Variants in GPC5 observed in about 807,000 individuals in gnomAD.
The protein encoded by GPC5 is glypican-5.
Under a neutral mutation model 53.9 loss-of-function variants are expected in GPC5, and 47 were observed. The ratio of observed to expected loss-of-function variants is 0.87; its 90% CI spans 0.69 to 1.11. GPC5 has a LOEUF of 1.11. GPC5 is among the 50% of genes most tolerant of loss of function. The pLI is 0.00. For synonymous variants in GPC5, 286 were observed against 263.3 expected, an observed-to-expected ratio of 1.09 and a Z score of -0.84; for missense variants, 748 against 713.1, an observed-to-expected ratio of 1.05 and a Z score of -0.56.
intron 7 of GPC5, among the ~76,000 whole-genome samples, chr13:92,627,681 G>A (rs1403663338): frequency 2.0e-5 from 3 of 152,130 alleles, no homozygotes; most frequent in Non-Finnish European, 4.4e-5. Context: ...TTTCTTTTTT[G>A]TTTACAGCCT....
At chr13:92,299,871 T>C (rs1036983153) in intron 7 of GPC5, among the ~76,000 whole-genome samples, 2 of 152,216 alleles carry the variant, frequency 1.3e-5, no homozygotes, top group African/African-American at 4.8e-5. Context: ...TGTATGATTA[T>C]ATTGTATCAT....
chr13:91,593,927 GAA>G (rs2032900246), intron 2 of GPC5, among the ~76,000 whole-genome samples: 1 of 145,316 alleles, frequency 6.9e-6, no homozygotes, highest in Admixed American at 6.9e-5. Context: ...AAAAAAAAAA[GAA>G]TGTTATTTGA....
intron 7 of GPC5, among the ~76,000 whole-genome samples, chr13:92,325,103 G>GACAC (rs140189672): frequency 0.044 from 6,371 of 146,352 alleles, 199 homozygotes; most frequent in Admixed American, 0.088. Context: ...AATAACTTCT[G>GACAC]ACACACACAC....
intron 2 of GPC5, 125 bp from the exon 3 acceptor site, chr13:91,693,062 T>C: frequency 1.4e-6 from 1 of 713,200 alleles, no homozygotes; most frequent in Non-Finnish European, 2.3e-6. Context: ...TTTGGTTGAG[T>C]AGGCTGAGAG....
At chr13:91,957,970 G>T (rs1050829941) in intron 6 of GPC5, among the ~76,000 whole-genome samples, 2 of 151,842 alleles carry the variant, frequency 1.3e-5, no homozygotes, top group African/African-American at 4.8e-5. Context: ...ATGAACAAAA[G>T]ATAAACAAAA....
intron 5 of GPC5, among the ~76,000 whole-genome samples, chr13:91,762,780 C>T (rs926094492): frequency 6.6e-6 from 1 of 151,930 alleles, no homozygotes; most frequent in Non-Finnish European, 1.5e-5. Flanking sequence ...CTTGAAATGC[C>T]CACAATTAAC....
chr13:91,893,344 A>T (rs996865619), intron 5 of GPC5, among the ~76,000 whole-genome samples: 1 of 152,002 alleles, frequency 6.6e-6, no homozygotes, highest in African/African-American at 2.4e-5. Context: ...CAACTTATTT[A>T]TTAAAGATTT....
At chr13:92,480,191 G>A (rs1879295312) in intron 7 of GPC5, among the ~76,000 whole-genome samples, 1 of 152,118 alleles carries the variant, frequency 6.6e-6, no homozygotes. Context: ...AAACAGTAGG[G>A]GGATTTTAGC....
At chr13:92,417,620 C>T (rs1327124067) in intron 7 of GPC5, among the ~76,000 whole-genome samples, 8 of 152,102 alleles carry the variant, frequency 5.3e-5, no homozygotes. Context: ...TGGTTGTAGT[C>T]CCAGCACTTT....
At chr13:91,671,780 C>CCAAAAAAAAAAAAAAAA (rs2035249718) in intron 2 of GPC5, among the ~76,000 whole-genome samples, 2 of 33,124 alleles carry the variant, frequency 6.0e-5, no homozygotes, top group Non-Finnish European at 1.2e-4. Flanking sequence ...CAATCTGAAG[C>CCAAAAAAAAAAAAAAAA]AAAAAAAAAA....
intron 7 of GPC5, among the ~76,000 whole-genome samples, chr13:92,552,415 GA>G (rs900770282): frequency 8.6e-5 from 13 of 151,860 alleles, no homozygotes; most frequent in African/African-American, 2.9e-4. Context: ...TAAAATTTAA[GA>G]AGAGTCAATT....
chr13:92,765,788 T>C (rs1875382003), intron 7 of GPC5, among the ~76,000 whole-genome samples: 1 of 152,096 alleles, frequency 6.6e-6, no homozygotes, highest in African/African-American at 2.4e-5. Context: ...TCAGAAAACC[T>C]TTTAAGGGGC....
At chr13:92,015,086 C>T (rs1172581244) in intron 6 of GPC5, among the ~76,000 whole-genome samples, 2 of 152,128 alleles carry the variant, frequency 1.3e-5, no homozygotes, top group African/African-American at 4.8e-5. Flanking sequence ...TTGGTAAAAA[C>T]TGTGCCCCAC....
At chr13:92,406,994 G>T (rs1467863379) in intron 7 of GPC5, among the ~76,000 whole-genome samples, 6 of 151,928 alleles carry the variant, frequency 3.9e-5, no homozygotes, top group Admixed American at 3.9e-4. Context: ...TCTAGTTAAG[G>T]TTTGAATAAT....
intron 2 of GPC5, among the ~76,000 whole-genome samples, chr13:91,630,690 G>C (rs1158640745): frequency 6.6e-6 from 1 of 152,100 alleles, no homozygotes; most frequent in Non-Finnish European, 1.5e-5. Flanking sequence ...CGGGCTGGCT[G>C]TTGTAAAATA....
At chr13:92,697,641 CAG>C (rs774751256) in intron 7 of GPC5, among the ~76,000 whole-genome samples, 1 of 152,142 alleles carries the variant, frequency 6.6e-6, no homozygotes, top group East Asian at 1.9e-4. Flanking sequence ...CATCTGCAAA[CAG>C]AGACAATTTG....
At chr13:91,690,123 G>A (rs1018239174) in intron 2 of GPC5, among the ~76,000 whole-genome samples, 1 of 152,092 alleles carries the variant, frequency 6.6e-6, no homozygotes, top group Non-Finnish European at 1.5e-5. Flanking sequence ...TGGGACCAAT[G>A]TCATATATAC....
At chr13:92,618,731 T>C (rs1249269846) in intron 7 of GPC5, among the ~76,000 whole-genome samples, 4 of 149,890 alleles carry the variant, frequency 2.7e-5, no homozygotes, top group African/African-American at 9.8e-5. Flanking sequence ...AAGTTTAATA[T>C]TCATGCCCTA....
At chr13:91,898,841 A>C (rs2039469532) in intron 5 of GPC5, among the ~76,000 whole-genome samples, 1 of 152,180 alleles carries the variant, frequency 6.6e-6, no homozygotes, top group Non-Finnish European at 1.5e-5. Context: ...TTGCTAAGAA[A>C]AAAAAATTCA....
Sources: gnomAD v4.1 joint callset for allele counts (sites outside exome capture counted in the v4.1 genomes callset) on GRCh38, gnomAD v4.1.1 for gene constraint, MANE v1.5 for transcripts, NCBI Gene and HGNC (gene_info 2026-07-23, HGNC 2026-07-21) for gene names.